DISC1: variants seen among roughly 807,000 people sequenced by gnomAD.
DISC1 encodes the protein disrupted in schizophrenia 1 protein.
In DISC1, 57 loss-of-function variants were observed where a neutral mutation model predicts 84.5. The ratio of observed to expected loss-of-function variants is 0.67; its 90% CI spans 0.55 to 0.84. The LOEUF is 0.84. Ranked by LOEUF, DISC1 falls within the 40% of genes least tolerant of loss-of-function variation. The pLI is 0.00. For missense variants in DISC1, 1,000 were observed against 1,057.8 expected, an observed-to-expected ratio of 0.95 and a Z score of 0.76; for synonymous variants, 411 against 415.2, an observed-to-expected ratio of 0.99 and a Z score of 0.12.
In DISC1 at chr1:231,826,854, A is replaced by G. The variant is rs2125799558; in HGVS notation, c.1981+8337A>G. 6.6e-6 allele frequency among the ~76,000 whole-genome samples: 1 copy of G among 152,358 alleles called. No individual in the cohort carries two copies. Among genetic ancestry groups the G allele is most frequent in the East Asian group, 1.9e-4 (1 of 5,188 alleles). On this transcript the variant is annotated intron_variant, in intron 9 of 12. Transcript: ENST00000439617. The surrounding 1 kb of genome is among the most constrained non-coding windows in gnomAD (Gnocchi z 4.2). ...TACATTACTCAGTTCCTGGTAAAGA[A>G]GTAGTTAGAAGCCCTGTTTGCTTTT...
At chr1:231,703,518 C>G (rs1477792125) in intron 3 of DISC1, among the ~76,000 whole-genome samples, 2 of 152,212 alleles carry the variant, frequency 1.3e-5, no homozygotes, top group Non-Finnish European at 2.9e-5. Context: ...CCTGGACTCT[C>G]TACCTTTAAT....
intron 9 of DISC1, among the ~76,000 whole-genome samples, chr1:231,835,639 A>T (rs2082575672): frequency 6.6e-6 from 1 of 152,162 alleles, no homozygotes; most frequent in Non-Finnish European, 1.5e-5. Flanking sequence ...TTGGGCTCAG[A>T]GGCCTGACAG....
intron 1 of DISC1, among the ~76,000 whole-genome samples, chr1:231,690,067 C>G (rs993416839): frequency 3.9e-5 from 6 of 152,190 alleles, no homozygotes; most frequent in Non-Finnish European, 7.3e-5. Context: ...AATTTTCCTT[C>G]TAAGCTAGGT....
rs115612155 is a variant in DISC1, at chr1:231,677,903, C to T, written c.68-15923C>T. Among the ~76,000 whole-genome samples the T allele has an allele frequency of 8.9e-3, 1,345 of 151,906 alleles. 25 individuals carry two copies. The highest frequency in any genetic ancestry group is 0.03 in the African/African-American group (1,223 of 41,400). On this transcript the variant is annotated intron_variant, in intron 1 of 12. Transcript: ENST00000439617. ...CTGACAGGAGGATCGCTTGAACCTGCGAGGTGGTGGTTGCAGTGAGCCAAG... is the reference window on the plus strand; with the variant it reads ...CTGACAGGAGGATCGCTTGAACCTGTGAGGTGGTGGTTGCAGTGAGCCAAG...
intron 3 of DISC1, among the ~76,000 whole-genome samples, chr1:231,734,500 C>G (rs1421154430): frequency 1.3e-5 from 2 of 151,894 alleles, no homozygotes; most frequent in Non-Finnish European, 2.9e-5. Context: ...CTCTCTCTCT[C>G]ACGCACACAC....
In DISC1 at chr1:231,833,760, G is replaced by T. The variant is rs1343546147; in HGVS notation, c.1981+15243G>T. On this transcript the variant is annotated intron_variant, in intron 9 of 12. Transcript: ENST00000439617. ...GTTCTTGTGTGCTGGAGATGTGGCT[G>T]GGGTTTGTCTCACAGTGGAGGCAAG... Among the ~76,000 whole-genome samples the T allele has an allele frequency of 2.0e-5, 3 of 152,248 alleles. No homozygotes were observed. In the South Asian group the frequency reaches 6.2e-4, roughly 32 times the overall value.
At chr1:232,029,702 G>A (rs1247261990) in intron 12 of DISC1, among the ~76,000 whole-genome samples, 5 of 152,336 alleles carry the variant, frequency 3.3e-5, no homozygotes, top group Admixed American at 6.5e-5. Flanking sequence ...GGACGTCCAC[G>A]TCTGAAAGAT....
At chr1:232,008,176 G>A (rs534917982) in intron 10 of DISC1, among the ~76,000 whole-genome samples, 1 of 152,278 alleles carries the variant, frequency 6.6e-6, no homozygotes, top group Non-Finnish European at 1.5e-5. Context: ...TAGCAATAGA[G>A]TGGAGAACAA....
intron 4 of DISC1, among the ~76,000 whole-genome samples, chr1:231,758,590 G>A (rs962602486): frequency 2.0e-5 from 3 of 152,148 alleles, no homozygotes; most frequent in African/African-American, 4.8e-5. Context: ...AATGCAGAGC[G>A]TTTAGGTCTA....
chr1:231,809,995 A>G (rs1224291955), intron 8 of DISC1, among the ~76,000 whole-genome samples: 1 of 152,252 alleles, frequency 6.6e-6, no homozygotes, highest in Non-Finnish European at 1.5e-5. Flanking sequence ...TTTGTAAAAT[A>G]ACCCCTAATG....
At chr1:231,809,511 G>C (rs2738873) in intron 8 of DISC1, among the ~76,000 whole-genome samples, 5 of 117,954 alleles carry the variant, frequency 4.2e-5, no homozygotes, top group African/African-American at 1.7e-4. Flanking sequence ...TACTCCAAAA[G>C]CCTTTTTTTT....
chr1:231,746,589 TC>T (rs2074007662), intron 3 of DISC1, among the ~76,000 whole-genome samples: 1 of 152,222 alleles, frequency 6.6e-6, no homozygotes, highest in African/African-American at 2.4e-5. Context: ...AGTTCCTTTT[TC>T]TTCACATCCT....
intron 10 of DISC1, among the ~76,000 whole-genome samples, chr1:231,989,565 T>C (rs186327054): frequency 6.6e-6 from 1 of 152,324 alleles, no homozygotes; most frequent in Non-Finnish European, 1.5e-5. Flanking sequence ...AATAACTAGC[T>C]TTTCCAAGAG....
intron 11 of DISC1, among the ~76,000 whole-genome samples, chr1:232,011,272 A>T (rs1234903548): frequency 6.6e-6 from 1 of 152,180 alleles, no homozygotes; most frequent in East Asian, 1.9e-4. Flanking sequence ...GTGGAGCCTT[A>T]TCCTAGGTCC....
At chr1:232,010,250 T>C (rs1046015481) in intron 11 of DISC1, among the ~76,000 whole-genome samples, 1 of 152,196 alleles carries the variant, frequency 6.6e-6, no homozygotes. Flanking sequence ...TCTCCAATGC[T>C]CTGGGTAGAG....
chr1:231,651,176 T>C (rs552434184), intron 1 of DISC1, among the ~76,000 whole-genome samples: 1 of 152,340 alleles, frequency 6.6e-6, no homozygotes, highest in Non-Finnish European at 1.5e-5. Flanking sequence ...GCTTTTCTGC[T>C]CTGGTTTCTC....
chr1:231,746,700 C>A (rs904057973), intron 3 of DISC1, among the ~76,000 whole-genome samples: 1 of 152,066 alleles, frequency 6.6e-6, no homozygotes, highest in Non-Finnish European at 1.5e-5. Context: ...TTTGCATATA[C>A]CTGATGATCA....
At chr1:231,740,761 T>C (rs1279960369) in intron 3 of DISC1, among the ~76,000 whole-genome samples, 1 of 152,240 alleles carries the variant, frequency 6.6e-6, no homozygotes, top group East Asian at 1.9e-4. Flanking sequence ...TTGTACATCT[T>C]ATACACATAG....
At chr1:231,995,454 AG>A (rs1328457989) in intron 10 of DISC1, among the ~76,000 whole-genome samples, 1 of 151,870 alleles carries the variant, frequency 6.6e-6, no homozygotes, top group Non-Finnish European at 1.5e-5. Flanking sequence ...CTCGTCATTT[AG>A]CATTAGGTAT....
Sources: gnomAD v4.1 joint callset for allele counts (sites outside exome capture counted in the v4.1 genomes callset) on GRCh38, gnomAD v4.1.1 for gene constraint, Gnocchi (gnomAD v3.1) non-coding constraint, MANE v1.5 for transcripts, NCBI Gene and HGNC (gene_info 2026-07-23, HGNC 2026-07-21) for gene names.